The following SLC15A5 variants were observed in gnomAD, a reference collection of about 807,000 sequenced individuals.
SLC15A5 encodes the protein solute carrier family 15 member 5.
In SLC15A5, 58 loss-of-function variants were observed where a neutral mutation model predicts 56.1. That is an observed-to-expected ratio of 1.03 (90% CI 0.84 to 1.29). SLC15A5 has a LOEUF of 1.29. Among genes scored for constraint, SLC15A5 ranks in the 50% most tolerant of loss-of-function variants. The pLI, the probability that SLC15A5 is intolerant of heterozygous loss-of-function variation, is 0.00. For missense variants in SLC15A5, 681 were observed against 672.1 expected (o/e 1.01, Z -0.15); for synonymous variants, 264 against 250.5 (o/e 1.05, Z -0.51).
In SLC15A5 at chr12:16,239,979, A is replaced by G. The variant is rs568112448; in HGVS notation, c.976-112T>C. ...ACGTACTCTGTGATGGATGAGCTGG[A>G]TGTTGCCTAGTTTTTCAAGTTCCCA... is the stretch of plus-strand genomic sequence containing the variant. On this transcript the variant is annotated intron_variant, in intron 4 of 8. Transcript: ENST00000344941. The G allele has an allele frequency of 9.2e-6, 9 of 982,952 alleles. No individual in the cohort carries two copies. In the African/African-American group the frequency reaches 1.2e-4, roughly 13 times the overall value. The allele number at this position is 982,952 out of a possible 1,614,324, so 60.9% of individuals were successfully genotyped here.
At chr12:16,206,512 T>C (rs1298549946) in intron 7 of SLC15A5, among the ~76,000 whole-genome samples, 2 of 152,176 alleles carry the variant, frequency 1.3e-5, no homozygotes, top group East Asian at 3.9e-4. Flanking sequence ...AACTTTGACT[T>C]TTCTACCAGT....
intron 7 of SLC15A5, among the ~76,000 whole-genome samples, chr12:16,197,040 T>C (rs967730733): frequency 6.6e-6 from 1 of 151,538 alleles, no homozygotes; most frequent in African/African-American, 2.4e-5. Context: ...AAAGATAGTA[T>C]AAATCTGTGG....
rs562657647 is a variant in SLC15A5, at chr12:16,212,315, CT to C, written c.1483+4577del. Among the ~76,000 whole-genome samples, 4 of 152,154 alleles carry C rather than the reference CT, an allele frequency of 2.6e-5. No homozygotes were observed. In the South Asian group the frequency reaches 8.3e-4, roughly 32 times the overall value. On this transcript the variant is annotated intron_variant, in intron 7 of 8. Coordinates refer to ENST00000344941, the MANE Select transcript of SLC15A5 (RefSeq NM_001170798.1). ...TCTGAGAAAAGTGAAGTACAATTTC[CT>C]TTTTTTATTAAGAAAAACCAGTTTT...
chr12:16,230,636 G>A (rs777637507), intron 5 of SLC15A5, among the ~76,000 whole-genome samples: 19 of 152,010 alleles, frequency 1.2e-4, no homozygotes, highest in Middle Eastern at 6.8e-3. Context: ...AGACAAGGCC[G>A]GGCGCGGTGG....
At chr12:16,214,181 AG>A (rs1785169551) in intron 7 of SLC15A5, among the ~76,000 whole-genome samples, 1 of 152,238 alleles carries the variant, frequency 6.6e-6, no homozygotes, top group Non-Finnish European at 1.5e-5. Flanking sequence ...TGCATGTAAA[AG>A]CTCCTACTAT....
intron 5 of SLC15A5, among the ~76,000 whole-genome samples, chr12:16,226,272 GA>G (rs1362362643): frequency 6.6e-5 from 10 of 151,942 alleles, no homozygotes; most frequent in African/African-American, 1.2e-4. Context: ...ATAATGACAA[GA>G]AAAAAAGTCT....
At position 16,267,577 on chromosome 12, in the gene SLC15A5, T is replaced by G. The variant is rs1165437693; in HGVS notation, c.584+4984A>C. The stretch of plus-strand genomic sequence containing the variant: ...GGATTGAAGAAGTTAAGTTTTTAAT[T>G]TAAAAATTTGGGGGACTGCTTTACT... On this transcript the variant is annotated intron_variant, in intron 2 of 8. Coordinates refer to ENST00000344941, the MANE Select transcript of SLC15A5 (RefSeq NM_001170798.1). Among the ~76,000 whole-genome samples, 4 of 112,456 alleles carry G rather than the reference T, an allele frequency of 3.6e-5. 1 individual carries two copies. The highest frequency in any genetic ancestry group is 5.6e-5 in the Non-Finnish European group (3 of 53,456). 73.8% of individuals were successfully genotyped at this position (112,456 alleles called of 152,430 possible). A position where few individuals can be genotyped will look rare whatever the true frequency, so the allele number is the denominator to read the frequency against.
Position 16,271,201 on chromosome 12 carries a change from A to G in SLC15A5, c.584+1360T>C, listed in dbSNP as rs370368346. 9.2e-5 allele frequency among the ~76,000 whole-genome samples: 14 copies of G among 152,262 alleles called. No homozygotes were observed. Among genetic ancestry groups the G allele is most frequent in the East Asian group, 5.8e-4 (3 of 5,182 alleles). The stretch of plus-strand genomic sequence containing the variant: ...TTCCCAAAGGAAATATTTCATTCAT[A>G]TAATGTCTCCTTTGTAATCAACACT... On this transcript the variant is annotated intron_variant, in intron 2 of 8. Coordinates refer to ENST00000344941, the MANE Select transcript of SLC15A5 (RefSeq NM_001170798.1). The surrounding 1 kb of genome is among the most constrained non-coding windows in gnomAD (Gnocchi z 8.0).
chr12:16,275,062 T>TG (rs1290963933), intron 1 of SLC15A5, among the ~76,000 whole-genome samples: 1 of 152,018 alleles, frequency 6.6e-6, no homozygotes, highest in Non-Finnish European at 1.5e-5. Flanking sequence ...CTGAAGGAAA[T>TG]GTTGAGTCCA....
intron 8 of SLC15A5, among the ~76,000 whole-genome samples, chr12:16,190,054 C>G (rs753407938): frequency 6.6e-6 from 1 of 152,124 alleles, no homozygotes; most frequent in Non-Finnish European, 1.5e-5. Flanking sequence ...TAACAACCTG[C>G]TACGCTGTCT....
At chr12:16,253,753 G>T in intron 3 of SLC15A5, among the ~76,000 whole-genome samples, 1 of 151,984 alleles carries the variant, frequency 6.6e-6, no homozygotes, top group South Asian at 2.1e-4. Flanking sequence ...TTCAAGGTGG[G>T]CAGTATTAAA....
chr12:16,215,945 T>C (rs748961222), intron 7 of SLC15A5, among the ~76,000 whole-genome samples: 1 of 152,168 alleles, frequency 6.6e-6, no homozygotes, highest in Non-Finnish European at 1.5e-5. Context: ...TGGAATAGAA[T>C]GGGTCCTTGA....
At chr12:16,201,196 C>G (rs1198079569) in intron 7 of SLC15A5, among the ~76,000 whole-genome samples, 3 of 152,056 alleles carry the variant, frequency 2.0e-5, no homozygotes, top group Non-Finnish European at 4.4e-5. Context: ...ACATTAAGAT[C>G]CCTACCAAAA....
In SLC15A5 at chr12:16,277,341, C is replaced by G. The variant is rs1258133837; in HGVS notation, c.345G>C (p.Leu115Phe). 7 of 1,524,112 alleles carry G rather than the reference C, an allele frequency of 4.6e-6. No homozygotes were observed. In the East Asian group the frequency reaches 9.8e-5, roughly 21 times the overall value. The allele number at this position is 1,524,112 out of a possible 1,614,324, so 94.4% of individuals were successfully genotyped here. A position where few individuals can be genotyped will look rare whatever the true frequency, so the allele number is the denominator to read the frequency against. The change falls in exon 1 of 9, where the codon TTG becomes TTC. Residue 115 changes from leucine (L) to phenylalanine (F), a missense_variant. By Grantham distance (22) the Leu-to-Phe change is conservative. Transcript: ENST00000344941. Reference sequence around the variant, plus strand: ...GACACTCACCTAGAAAATGTAGAAACAAGCAAATGTACACCAGTTTGTTTC... The same window carrying G: ...GACACTCACCTAGAAAATGTAGAAAGAAGCAAATGTACACCAGTTTGTTTC... ...LGRNKLVYIC[L>F]FLHFLGTALL... is the part of the protein sequence containing the mutation.
rs1864219739 is a variant in SLC15A5, at chr12:16,224,491, A to G, written c.1274T>C (p.Val425Ala). 2 of 1,537,180 alleles carry G rather than the reference A, an allele frequency of 1.3e-6. No individual in the cohort carries two copies. The highest frequency in any genetic ancestry group is 1.7e-6 in the Non-Finnish European group (2 of 1,146,924). ...CAGGTAGAAACAGGGCATGGAGGAA[A>G]CAGTGAGAACTTTTCCTGAAAGGGG... ...EQPLSGKVLTVSSMPCFYLIL... is the reference protein window; with the variant it reads ...EQPLSGKVLTASSMPCFYLIL... Residue 425 changes from valine to alanine, a missense_variant, in exon 6 of 9, where the codon GTT becomes GCT. Val to Ala is a moderately conservative substitution (Grantham distance 64). Coordinates refer to ENST00000344941, the MANE Select transcript of SLC15A5 (RefSeq NM_001170798.1).
chr12:16,222,718 T>C (rs1864200330), intron 6 of SLC15A5, among the ~76,000 whole-genome samples: 1 of 152,176 alleles, frequency 6.6e-6, no homozygotes, highest in South Asian at 2.1e-4. Context: ...TTCACAGTCA[T>C]TGGTTTTCTG....
chr12:16,225,293 G>T (rs1490335074), intron 5 of SLC15A5, among the ~76,000 whole-genome samples: 1 of 152,172 alleles, frequency 6.6e-6, no homozygotes, highest in Non-Finnish European at 1.5e-5. Context: ...GATCCCTGAG[G>T]AATGGCCACA....
intron 6 of SLC15A5, among the ~76,000 whole-genome samples, chr12:16,217,542 T>C (rs1864142021): frequency 1.3e-5 from 2 of 152,174 alleles, no homozygotes; most frequent in Admixed American, 6.5e-5. Context: ...ACTTAAACTT[T>C]CCAGCCTCAA....
intron 2 of SLC15A5, among the ~76,000 whole-genome samples, chr12:16,270,128 A>T (rs529881795): frequency 6.6e-6 from 1 of 152,310 alleles, no homozygotes; most frequent in African/African-American, 2.4e-5. Context: ...CCAGATGGTA[A>T]TGTTGGCTGG....
Sources: gnomAD v4.1 joint callset for allele counts (sites outside exome capture counted in the v4.1 genomes callset) on GRCh38, gnomAD v4.1.1 for gene constraint, Gnocchi (gnomAD v3.1) non-coding constraint, MANE v1.5 for transcripts, NCBI Gene and HGNC (gene_info 2026-07-23, HGNC 2026-07-21) for gene names.